Variants in OSBPL3 observed in about 807,000 individuals in gnomAD.
OSBPL3 encodes oxysterol-binding protein-related protein 3.
OSBPL3 carries 65 observed loss-of-function variants against 120.1 expected under a neutral mutation model. The ratio of observed to expected loss-of-function variants is 0.54; its 90% CI spans 0.44 to 0.67. OSBPL3 has a LOEUF of 0.67. Among genes scored for constraint, OSBPL3 ranks in the 30% least tolerant of loss-of-function variants. OSBPL3 has a pLI of 0.00. For synonymous variants in OSBPL3, 416 were observed against 402.6 expected (o/e 1.03, Z -0.40); for missense variants, 1,004 against 1,082.1 (o/e 0.93, Z 1.01).
chr7:24,844,061 C>G (rs536515931), intron 12 of OSBPL3, among the ~76,000 whole-genome samples: 4 of 152,190 alleles, frequency 2.6e-5, no homozygotes, highest in African/African-American at 9.7e-5. Context: ...ATATTCCTAG[C>G]CCCTAGCCCT....
At chr7:24,971,860 G>A (rs554266135) in intron 1 of OSBPL3, among the ~76,000 whole-genome samples, 56 of 152,252 alleles carry the variant, frequency 3.7e-4, no homozygotes, top group Non-Finnish European at 6.0e-4. Context: ...ACCTTCAAAG[G>A]AAGGATGGTT....
rs983140545 is a variant in OSBPL3, at chr7:24,852,830, T to C, written c.1028-196A>G. 1.3e-5 allele frequency among the ~76,000 whole-genome samples: 2 copies of C among 152,098 alleles called. No homozygotes were observed. The highest frequency in any genetic ancestry group is 2.9e-5 in the Non-Finnish European group (2 of 68,020). ...GAACACGCTAATGTAAACTAAGGCC[T>C]CTGGATGATGATGTGTCCACGTAGG... is the stretch of plus-strand genomic sequence containing the variant. On this transcript the variant is annotated intron_variant, in intron 10 of 22. Transcript: ENST00000313367. This position sits in a 1 kb window ranked among gnomAD's most constrained non-coding sequence, Gnocchi z 4.1.
In OSBPL3 at chr7:24,803,083, A is replaced by C. The variant is rs1792575223; in HGVS notation, c.2567+1232T>G. ...TCAAGACAAAACCTTATTTGTCACT[A>C]TTTTGATGTTTTGGAATACAGATTT... is the stretch of plus-strand genomic sequence containing the variant. On this transcript the variant is annotated intron_variant, in intron 22 of 22. Transcript: ENST00000313367. This position sits in a 1 kb window ranked among gnomAD's most constrained non-coding sequence, Gnocchi z 4.2. Among the ~76,000 whole-genome samples the C allele has an allele frequency of 6.6e-6, 1 of 152,294 alleles. No individual in the cohort carries two copies. Among genetic ancestry groups the C allele is most frequent in the Non-Finnish European group, 1.5e-5 (1 of 68,008 alleles).
rs1584242110 is a variant in OSBPL3 at position 24,820,145 on chromosome 7, T to C, written c.1948+30A>G. On this transcript the variant is annotated intron_variant, in intron 17 of 22. Transcript: ENST00000313367. This position sits in a 1 kb window ranked among gnomAD's most constrained non-coding sequence, Gnocchi z 4.6. ...TAAATAGATAACATATTACACAATATGATGGAAGTAAAATGTATTAGCACA... is the reference window on the plus strand; with the variant it reads ...TAAATAGATAACATATTACACAATACGATGGAAGTAAAATGTATTAGCACA... 1.4e-6 allele frequency: 2 copies of C among 1,417,208 alleles called. No homozygotes were observed. Among genetic ancestry groups the C allele is most frequent in the South Asian group, 1.2e-5 (1 of 85,684 alleles). The allele number at this position is 1,417,208 out of a possible 1,614,324, so 87.8% of individuals were successfully genotyped here.
rs1375321020 is a variant in OSBPL3, at chr7:24,968,942, T to C, written c.-150+10944A>G. Among the ~76,000 whole-genome samples, 4 of 152,216 alleles carry C rather than the reference T, an allele frequency of 2.6e-5. No individual in the cohort carries two copies. The highest frequency in any genetic ancestry group is 4.4e-5 in the Non-Finnish European group (3 of 68,044). ...TAAGTTACTTGCAATCTGGTATTTA[T>C]TCAAATACTCCAAGAAACAATTTTG... On this transcript the variant is annotated intron_variant, in intron 1 of 22. Coordinates refer to ENST00000313367, the MANE Select transcript of OSBPL3 (RefSeq NM_015550.4). This position sits in a 1 kb window ranked among gnomAD's most constrained non-coding sequence, Gnocchi z 4.6.
At chr7:24,917,456 T>C (rs6943148) in intron 1 of OSBPL3, among the ~76,000 whole-genome samples, 36,647 of 103,514 alleles carry the variant, frequency 0.35, 5,865 homozygotes, top group South Asian at 0.42. Context: ...TACACACACA[T>C]ATATATATAT....
intron 1 of OSBPL3, among the ~76,000 whole-genome samples, chr7:24,929,198 C>T (rs888039406): frequency 6.6e-6 from 1 of 152,116 alleles, no homozygotes; most frequent in Non-Finnish European, 1.5e-5. Flanking sequence ...TGCAGGTGTG[C>T]CTCACTGTAG....
Position 24,871,879 on chromosome 7 carries a change from A to C in OSBPL3, c.213+74T>G. 6.9e-7 allele frequency: 1 copy of C among 1,458,038 alleles called. No homozygotes were observed. The highest frequency in any genetic ancestry group is 9.6e-7 in the Non-Finnish European group (1 of 1,038,380). 90.3% of individuals were successfully genotyped at this position (1,458,038 alleles called of 1,614,324 possible). A position where few individuals can be genotyped will look rare whatever the true frequency, so the allele number is the denominator to read the frequency against. ...CTCAAATTCCAACTAGAAATTAAAT[A>C]TGAGTACCTAAGAACCAGGTGCTGA... On this transcript the variant is annotated intron_variant, in intron 3 of 22. Coordinates refer to ENST00000313367, the MANE Select transcript of OSBPL3 (RefSeq NM_015550.4). This position sits in a 1 kb window ranked among gnomAD's most constrained non-coding sequence, Gnocchi z 4.8.
intron 14 of OSBPL3, among the ~76,000 whole-genome samples, chr7:24,838,474 CG>C (rs1377981143): frequency 6.6e-6 from 1 of 152,064 alleles, no homozygotes; most frequent in African/African-American, 2.4e-5. Flanking sequence ...CCAGCCTGGG[CG>C]ACAGAGTGAG....
chr7:24,866,251 G>A lies in OSBPL3; in HGVS notation c.382-14C>T, dbSNP rs776569460. On this transcript the variant is annotated splice_polypyrimidine_tract_variant and intron_variant, in intron 5 of 22. Transcript: ENST00000313367. Reference sequence around the variant, plus strand: ...TTCTGACTTGACCTATAATATATTCGATTGAAAAAAGGAAACAAGAGAATC... The same window carrying A: ...TTCTGACTTGACCTATAATATATTCAATTGAAAAAAGGAAACAAGAGAATC... 9.5e-6 allele frequency: 15 copies of A among 1,582,386 alleles called. No individual in the cohort carries two copies. The highest frequency in any genetic ancestry group is 1.4e-5 in the African/African-American group (1 of 73,790).
rs1813916688 is a variant in OSBPL3, at chr7:24,947,864, C to CCGGAT, written c.-150+32021_-150+32022insATCCG. ...TGTGATCGGTGTTGGTAATTTGACA[C>CCGGAT]TGTACAGGGGAACAATATAATGTCC... On this transcript the variant is annotated intron_variant, in intron 1 of 22. Transcript: ENST00000313367. The surrounding 1 kb of genome is among the most constrained non-coding windows in gnomAD (Gnocchi z 4.4). Among the ~76,000 whole-genome samples, 1 of 151,992 alleles carries CCGGAT rather than the reference C, an allele frequency of 6.6e-6. No homozygotes were observed. The highest frequency in any genetic ancestry group is 2.4e-5 in the African/African-American group (1 of 41,350).
chr7:24,917,966 A>T, intron 1 of OSBPL3: 1 of 421,832 alleles, frequency 2.4e-6, no homozygotes, highest in Non-Finnish European at 3.2e-6. Flanking sequence ...CCCATTTACC[A>T]AGATTCCTTC....
intron 2 of OSBPL3, among the ~76,000 whole-genome samples, chr7:24,876,955 C>T (rs1802938692): frequency 6.6e-6 from 1 of 152,158 alleles, no homozygotes. Context: ...AAATACCATA[C>T]TTACATGATC....
chr7:24,925,504 G>A (rs1014586719), intron 1 of OSBPL3, among the ~76,000 whole-genome samples: 1 of 152,186 alleles, frequency 6.6e-6, no homozygotes, highest in African/African-American at 2.4e-5. Context: ...TAAGCAGCCA[G>A]TGGACAGGCC....
Position 24,968,508 on chromosome 7 carries a change from T to C in OSBPL3, c.-150+11378A>G, listed in dbSNP as rs1481032227. Among the ~76,000 whole-genome samples the C allele has an allele frequency of 6.6e-6, 1 of 152,216 alleles. No homozygotes were observed. The highest frequency in any genetic ancestry group is 1.5e-5 in the Non-Finnish European group (1 of 68,028). On this transcript the variant is annotated intron_variant, in intron 1 of 22. Coordinates refer to ENST00000313367, the MANE Select transcript of OSBPL3 (RefSeq NM_015550.4). This position sits in a 1 kb window ranked among gnomAD's most constrained non-coding sequence, Gnocchi z 4.6. Reference sequence around the variant, plus strand: ...GCCTCCCGGGTTCCAGCGATTCTCCTGCCTCCACCTCCTGCGTAGCCGGGA... The same window carrying C: ...GCCTCCCGGGTTCCAGCGATTCTCCCGCCTCCACCTCCTGCGTAGCCGGGA...
At position 24,940,752 on chromosome 7, in the gene OSBPL3, G is replaced by A. The variant is rs187222201; in HGVS notation, c.-150+39134C>T. Among the ~76,000 whole-genome samples, 8 of 152,052 alleles carry A rather than the reference G, an allele frequency of 5.3e-5. No homozygotes were observed. In the East Asian group the frequency reaches 1.5e-3, roughly 29 times the overall value. On this transcript the variant is annotated intron_variant, in intron 1 of 22. Transcript: ENST00000313367. The surrounding 1 kb of genome is among the most constrained non-coding windows in gnomAD (Gnocchi z 4.4). ...AGGCCAGGAACTCTAAGGCAAACAGGAGACAGCTACAAACCAAAGCTCACA... is the reference window on the plus strand; with the variant it reads ...AGGCCAGGAACTCTAAGGCAAACAGAAGACAGCTACAAACCAAAGCTCACA...
intron 13 of OSBPL3, among the ~76,000 whole-genome samples, chr7:24,841,200 A>G (rs2128201135): frequency 6.6e-6 from 1 of 152,314 alleles, no homozygotes; most frequent in Non-Finnish European, 1.5e-5. Context: ...TTATTAGTAC[A>G]CACTGTTAAC....
chr7:24,909,783 CTTTTTTT>C (rs10591188), intron 1 of OSBPL3, among the ~76,000 whole-genome samples: 16,572 of 77,226 alleles, frequency 0.21, 896 homozygotes, highest in Admixed American at 0.25. Context: ...TTTTTTCTTT[CTTTTTTT>C]TTTTTTTTTT....
chr7:24,936,252 G>A lies in OSBPL3; in HGVS notation c.-149-43631C>T, dbSNP rs560841411. Among the ~76,000 whole-genome samples, 25 of 152,236 alleles carry A rather than the reference G, an allele frequency of 1.6e-4. No homozygotes were observed. The South Asian group carries it at 5.0e-3, about 30-fold the overall frequency. ...AAGAACATATGCGAATATTTCAAAG[G>A]AAGCTGAGACAGTGAATACAGGCTG... On this transcript the variant is annotated intron_variant, in intron 1 of 22. Coordinates refer to ENST00000313367, the MANE Select transcript of OSBPL3 (RefSeq NM_015550.4). This position sits in a 1 kb window ranked among gnomAD's most constrained non-coding sequence, Gnocchi z 4.2.
Sources: allele counts gnomAD v4.1 joint callset (sites outside exome capture counted in the v4.1 genomes callset), GRCh38; gene constraint gnomAD v4.1.1; non-coding constraint Gnocchi (gnomAD v3.1); transcripts MANE v1.5; gene names NCBI Gene and HGNC (gene_info 2026-07-23, HGNC 2026-07-21).